The following SLC71A2 variants were observed in gnomAD, a reference collection of about 807,000 sequenced individuals.
SLC71A2 encodes solute carrier family 71 member 2, also known as hippocampus abundant transcript-like 1.
chr9:94,445,769 GAA>G, the SLC71A2 span, among the ~76,000 whole-genome samples: 880 of 151,110 alleles, frequency 5.8e-3, 5 homozygotes, highest in African/African-American at 0.02. Flanking sequence ...TGTTCTTGGG[GAA>G]AAAAAAAGTT....
the SLC71A2 span, among the ~76,000 whole-genome samples, chr9:94,449,082 A>C: frequency 6.6e-6 from 1 of 152,224 alleles, no homozygotes. Context: ...AAAATAATGT[A>C]GGAAGATGAG....
chr9:94,456,353 C>CCCA, the SLC71A2 span: 1 of 1,603,486 alleles, frequency 6.2e-7, no homozygotes, highest in East Asian at 2.2e-5. Flanking sequence ...GTCACTGCCC[C>CCCA]CCACTTGTTT....
At chr9:94,392,417 G>C in the SLC71A2 span, among the ~76,000 whole-genome samples, 2 of 151,830 alleles carry the variant, frequency 1.3e-5, no homozygotes, top group African/African-American at 4.8e-5. Flanking sequence ...GATTATAGCT[G>C]TTGTTAAATG....
At chr9:94,420,820 A>T in the SLC71A2 span, among the ~76,000 whole-genome samples, 12 of 152,002 alleles carry the variant, frequency 7.9e-5, no homozygotes, top group African/African-American at 2.9e-4. Context: ...AATCGCTTGA[A>T]CCCAGGAGGC....
At chr9:94,424,247 G>A in the SLC71A2 span, among the ~76,000 whole-genome samples, 1 of 151,718 alleles carries the variant, frequency 6.6e-6, no homozygotes, top group Non-Finnish European at 1.5e-5. Context: ...TTTGGCGGAG[G>A]GGGGAGCAAT....
chr9:94,408,052 T>G, the SLC71A2 span, among the ~76,000 whole-genome samples: 1 of 152,200 alleles, frequency 6.6e-6, no homozygotes, highest in South Asian at 2.1e-4. Flanking sequence ...ACAAGAGGAC[T>G]GTGCCTAATT....
chr9:94,455,156 C>CTTTTTTTTTTT, the SLC71A2 span, among the ~76,000 whole-genome samples: 16 of 27,684 alleles, frequency 5.8e-4, 1 homozygote, highest in Admixed American at 1.1e-3. Flanking sequence ...TTGCTCTTTC[C>CTTTTTTTTTTT]TTTTTTTTTT....
At chr9:94,383,733 C>A in the SLC71A2 span, among the ~76,000 whole-genome samples, 1 of 151,998 alleles carries the variant, frequency 6.6e-6, no homozygotes, top group African/African-American at 2.4e-5. Flanking sequence ...CCGTGAAGAT[C>A]TGTTTGGAAA....
chr9:94,417,858 A>ACCCC, the SLC71A2 span, among the ~76,000 whole-genome samples: 1 of 60,476 alleles, frequency 1.7e-5, no homozygotes, highest in Non-Finnish European at 3.5e-5. Flanking sequence ...TTCCCACCCC[A>ACCCC]CCCCCCCCCC....
the SLC71A2 span, among the ~76,000 whole-genome samples, chr9:94,392,370 C>A: frequency 2.6e-5 from 4 of 151,596 alleles, no homozygotes; most frequent in African/African-American, 9.7e-5. Flanking sequence ...TGGCTCCACC[C>A]TGACTTCTCA....
the SLC71A2 span, among the ~76,000 whole-genome samples, chr9:94,443,597 T>C: frequency 6.6e-6 from 1 of 152,176 alleles, no homozygotes; most frequent in African/African-American, 2.4e-5. Flanking sequence ...CAGAGTTGTA[T>C]TGAATGTTAA....
At chr9:94,454,674 AT>A in the SLC71A2 span, among the ~76,000 whole-genome samples, 1 of 152,120 alleles carries the variant, frequency 6.6e-6, no homozygotes, top group Non-Finnish European at 1.5e-5. Context: ...ACATATGCTA[AT>A]TTTTAGAGAC....
chr9:94,439,309 A>ATT, the SLC71A2 span, among the ~76,000 whole-genome samples: 41 of 146,392 alleles, frequency 2.8e-4, no homozygotes, highest in Non-Finnish European at 2.6e-4. Flanking sequence ...GCGCAGCCCA[A>ATT]TTTTTTTTTT....
the SLC71A2 span, among the ~76,000 whole-genome samples, chr9:94,400,729 T>C: frequency 6.6e-6 from 1 of 152,210 alleles, no homozygotes; most frequent in Non-Finnish European, 1.5e-5. Flanking sequence ...AAATGTTTTC[T>C]AAAAGTTAAC....
the SLC71A2 span, among the ~76,000 whole-genome samples, chr9:94,416,010 G>T: frequency 2.6e-5 from 4 of 152,166 alleles, no homozygotes; most frequent in African/African-American, 9.6e-5. Flanking sequence ...TCAGTTTTTC[G>T]TAGCTTATCT....
the SLC71A2 span, among the ~76,000 whole-genome samples, chr9:94,458,703 A>G: frequency 1.3e-5 from 2 of 152,242 alleles, no homozygotes; most frequent in Admixed American, 6.5e-5. Flanking sequence ...CACAATCACT[A>G]CACTATTCTC....
At chr9:94,453,694 C>T in the SLC71A2 span, among the ~76,000 whole-genome samples, 336 of 152,244 alleles carry the variant, frequency 2.2e-3, 4 homozygotes, top group African/African-American at 7.4e-3. Context: ...TTGTGATATC[C>T]TTTCAGGAAG....
At chr9:94,417,266 A>C in the SLC71A2 span, among the ~76,000 whole-genome samples, 2 of 152,184 alleles carry the variant, frequency 1.3e-5, no homozygotes, top group African/African-American at 4.8e-5. Context: ...CAGTAGTATT[A>C]GATACATTTC....
chr9:94,452,585 A>AGAG, the SLC71A2 span, among the ~76,000 whole-genome samples: 1 of 150,706 alleles, frequency 6.6e-6, no homozygotes, highest in African/African-American at 2.4e-5. Context: ...TGACAGAGTG[A>AGAG]GACTCCATCT....
Sources: gnomAD v4.1 joint callset for allele counts (sites outside exome capture counted in the v4.1 genomes callset) on GRCh38, gnomAD v4.1.1 for gene constraint, MANE v1.5 for transcripts, NCBI Gene and HGNC (gene_info 2026-07-23, HGNC 2026-07-21) for gene names.